Variants in HIVEP1 observed in about 807,000 individuals in gnomAD.
The protein encoded by HIVEP1 is HIVEP zinc finger 1.
HIVEP1 carries 36 observed loss-of-function variants against 180.0 expected under a neutral mutation model. The ratio of observed to expected loss-of-function variants is 0.20; its 90% CI spans 0.15 to 0.26. The LOEUF is 0.26. Ranked by LOEUF, HIVEP1 falls within the 10% of genes least tolerant of loss-of-function variation. The pLI, the probability that HIVEP1 is intolerant of heterozygous loss-of-function variation, is 1.00. For missense variants in HIVEP1, 3,143 were observed against 3,268.7 expected (o/e 0.96, Z 0.94); for synonymous variants, 1,239 against 1,239.0 (o/e 1.00, Z 0.00).
chr6:12,168,209 T>C (rs1457749282), downstream of HIVEP1, among the ~76,000 whole-genome samples: 2,609 of 100,926 alleles, frequency 0.026, 250 homozygotes, highest in Non-Finnish European at 0.036. Flanking sequence ...TATACATATA[T>C]ACATATATAC....
chr6:12,007,771 G>A (rs188754694), upstream of HIVEP1: 2 of 151,944 alleles, frequency 1.3e-5, no homozygotes, highest in Non-Finnish European at 2.9e-5. Context: ...CTCACCCCCA[G>A]GATGGGACTC....
intron 6 of HIVEP1, among the ~76,000 whole-genome samples, chr6:12,133,292 A>G (rs764767864): frequency 8.5e-5 from 13 of 152,242 alleles, no homozygotes; most frequent in Non-Finnish European, 1.6e-4. Flanking sequence ...GAGAGCTTGT[A>G]TCTCTGCAAG....
In HIVEP1 at chr6:12,163,794, A is replaced by T. The variant is rs375809923; in HGVS notation, c.7490A>T (p.Asn2497Ile). 1 of 1,614,170 alleles carries T rather than the reference A, an allele frequency of 6.2e-7. No homozygotes were observed. The highest frequency in any genetic ancestry group is 8.5e-7 in the Non-Finnish European group (1 of 1,180,012). Residue 2497 changes from asparagine to isoleucine, a missense_variant, in exon 9 of 9, where the codon AAT (asparagine) becomes ATT (isoleucine). Asn to Ile is a moderately radical substitution (Grantham distance 149). Coordinates refer to ENST00000379388, the MANE Select transcript of HIVEP1 (RefSeq NM_002114.4). The stretch of plus-strand genomic sequence containing the variant: ...CCCTCGTTAAGCATGGAAACCGTCA[A>T]TATTGTAGGCCTAGCCAATACAAAT... ...SLPSLSMETV[N>I]IVGLANTNMA...
Position 12,033,991 on chromosome 6 carries a change from T to C in HIVEP1, c.40+18323T>C, listed in dbSNP as rs539847404. Among the ~76,000 whole-genome samples the C allele has an allele frequency of 2.0e-5, 3 of 152,332 alleles. No individual in the cohort carries two copies. The South Asian group carries it at 6.2e-4, about 32-fold the overall frequency. ...AGGAAGTCTCTGGTTAAAGATTGGA[T>C]GGGATTAAGCAGACGTTTTGTAGGC... On this transcript the variant is annotated intron_variant, in intron 2 of 8. Coordinates refer to ENST00000379388, the MANE Select transcript of HIVEP1 (RefSeq NM_002114.4).
chr6:12,164,419 G>T lies in HIVEP1; in HGVS notation c.8115G>T (p.Val2705=). The T allele has an allele frequency of 6.2e-7, 1 of 1,613,116 alleles. No homozygotes were observed. The part of the protein sequence containing the change: ...RRQPTVHFSD[V]SSDDDEDRLV... ...AGCCCACTGTGCACTTCAGCGACGT[G>T]AGCAGCGATGATGACGAGGACAGGC... Residue 2705 remains valine, a synonymous_variant, in exon 9 of 9, where the codon GTG becomes GTT. Coordinates refer to ENST00000379388, the MANE Select transcript of HIVEP1 (RefSeq NM_002114.4).
the HIVEP1 span, among the ~76,000 whole-genome samples, chr6:12,181,284 C>T: frequency 2.0e-5 from 3 of 151,968 alleles, no homozygotes; most frequent in Admixed American, 6.5e-5. Flanking sequence ...GGCATGAAAC[C>T]GGGAGGCAGA....
chr6:12,123,492 C>T lies in HIVEP1; in HGVS notation c.3697C>T (p.Gln1233Ter). The T allele has an allele frequency of 6.2e-7, 1 of 1,614,116 alleles. No individual in the cohort carries two copies. The highest frequency in any genetic ancestry group is 8.5e-7 in the Non-Finnish European group (1 of 1,180,014). The change falls in exon 4 of 9, where the codon CAA becomes TAA. Residue 1233 changes from glutamine to a stop codon, truncating the protein, a stop_gained. Coordinates refer to ENST00000379388, the MANE Select transcript of HIVEP1 (RefSeq NM_002114.4). LOFTEE classifies it high-confidence loss of function. The stretch of plus-strand genomic sequence containing the variant: ...AAGACTTGTCCGGCAGCACAACATC[C>T]AAGTTCCAGAGATTTTGGTCACAGA... ...PSRLVRQHNI[Q>*]VPEILVTEEP...
chr6:12,048,900 A>G (rs890244483), intron 2 of HIVEP1, among the ~76,000 whole-genome samples: 11 of 152,156 alleles, frequency 7.2e-5, no homozygotes, highest in Non-Finnish European at 5.9e-5. Flanking sequence ...CAGAGTGTTT[A>G]TGTGGTATCT....
intron 3 of HIVEP1, among the ~76,000 whole-genome samples, chr6:12,105,724 A>G (rs1774381309): frequency 6.6e-6 from 1 of 152,124 alleles, no homozygotes. Flanking sequence ...TCACACAGAC[A>G]CACTCCTTAG....
intron 2 of HIVEP1, among the ~76,000 whole-genome samples, chr6:12,052,266 G>A (rs1267001793): frequency 6.6e-6 from 1 of 152,116 alleles, no homozygotes; most frequent in East Asian, 1.9e-4. Context: ...ATAATGAAAT[G>A]CATCTTACTG....
At chr6:12,191,343 A>G in the HIVEP1 span, among the ~76,000 whole-genome samples, 2 of 152,322 alleles carry the variant, frequency 1.3e-5, no homozygotes, top group South Asian at 2.1e-4. Flanking sequence ...TAATCCCAGC[A>G]CTTTGGGAGG....
intron 1 of HIVEP1, among the ~76,000 whole-genome samples, chr6:12,013,249 A>G (rs1449681972): frequency 2.6e-5 from 4 of 152,174 alleles, no homozygotes; most frequent in African/African-American, 4.8e-5. Context: ...TGTTCAGTGC[A>G]GCGTTGCAGA....
intron 2 of HIVEP1, chr6:12,020,157 G>T (rs1461611051): frequency 1.6e-5 from 6 of 385,556 alleles, no homozygotes; most frequent in Non-Finnish European, 3.2e-5. Flanking sequence ...TACTGTGTAG[G>T]ACTGTGGTTT....
chr6:12,114,533 C>A (rs540456290), intron 3 of HIVEP1, among the ~76,000 whole-genome samples: 7 of 152,202 alleles, frequency 4.6e-5, no homozygotes, highest in Admixed American at 4.6e-4. Context: ...TTTGGCTTAT[C>A]ATTTATGTCC....
intron 7 of HIVEP1, among the ~76,000 whole-genome samples, chr6:12,136,595 C>T (rs545569111): frequency 2.3e-4 from 35 of 152,376 alleles, no homozygotes; most frequent in African/African-American, 8.2e-4. Context: ...ATGTCATGAG[C>T]AGAGCCAGTG....
intron 2 of HIVEP1, among the ~76,000 whole-genome samples, chr6:12,053,243 G>C (rs916824846): frequency 5.9e-5 from 9 of 151,900 alleles, no homozygotes; most frequent in African/African-American, 2.2e-4. Flanking sequence ...GTGTGTGTCT[G>C]TGTGTGTGTA....
At chr6:12,178,039 C>T in the HIVEP1 span, among the ~76,000 whole-genome samples, 1 of 152,134 alleles carries the variant, frequency 6.6e-6, no homozygotes, top group African/African-American at 2.4e-5. Context: ...ATATATAGTG[C>T]TATCTTTATG....
At chr6:12,099,488 G>A (rs1162679647) in intron 3 of HIVEP1, among the ~76,000 whole-genome samples, 3 of 152,076 alleles carry the variant, frequency 2.0e-5, no homozygotes, top group Non-Finnish European at 4.4e-5. Context: ...TGGCCTGGAG[G>A]AGTGTGTTTA....
chr6:12,145,851 G>A (rs981835639), intron 7 of HIVEP1, among the ~76,000 whole-genome samples: 3 of 152,078 alleles, frequency 2.0e-5, no homozygotes, highest in Non-Finnish European at 2.9e-5. Flanking sequence ...TTAGGATTGT[G>A]CCTGGCAAAT....
Sources: gnomAD v4.1 joint callset for allele counts (sites outside exome capture counted in the v4.1 genomes callset) on GRCh38, gnomAD v4.1.1 for gene constraint, MANE v1.5 for transcripts, NCBI Gene and HGNC (gene_info 2026-07-23, HGNC 2026-07-21) for gene names.